Variants in NIM1K observed in about 807,000 individuals in gnomAD.
NIM1K encodes the protein serine/threonine-protein kinase NIM1.
In NIM1K, 35 loss-of-function variants were observed where a neutral mutation model predicts 37.1. That is an observed-to-expected ratio of 0.94 (90% CI 0.72 to 1.25). The LOEUF is 1.25. Ranked by LOEUF, NIM1K falls within the 50% of genes most tolerant of loss-of-function variation. The pLI, the probability that NIM1K is intolerant of heterozygous loss-of-function variation, is 0.00. For synonymous variants in NIM1K, 234 were observed against 206.6 expected, an observed-to-expected ratio of 1.13 and a Z score of -1.14; for missense variants, 564 against 548.0, an observed-to-expected ratio of 1.03 and a Z score of -0.29.
intron 3 of NIM1K, among the ~76,000 whole-genome samples, chr5:43,278,308 G>T (rs758220486): frequency 2.0e-5 from 3 of 152,152 alleles, no homozygotes; most frequent in Non-Finnish European, 2.9e-5. Context: ...GTCTCCCAAA[G>T]TAGTGGGATT....
chr5:43,209,645 G>GACAC, intron 1 of NIM1K, among the ~76,000 whole-genome samples: 1 of 151,810 alleles, frequency 6.6e-6, no homozygotes, highest in Admixed American at 6.6e-5. Context: ...GAGACACAGA[G>GACAC]TCTCGCTCTG....
At chr5:43,251,210 G>A (rs4549536) in intron 2 of NIM1K, among the ~76,000 whole-genome samples, 149,639 of 152,370 alleles carry the variant, frequency 0.98, 73,535 homozygotes, top group Middle Eastern at 1. Flanking sequence ...GTAAAAATAA[G>A]TACAATGCAA....
chr5:43,241,689 G>T lies in NIM1K; in HGVS notation c.-694-3393G>T, dbSNP rs113944810. Among the ~76,000 whole-genome samples the T allele has an allele frequency of 1.5e-3, 229 of 151,952 alleles. 9 individuals carry two copies. The highest frequency in any genetic ancestry group is 5.2e-3 in the African/African-American group (215 of 41,304). On this transcript the variant is annotated intron_variant, in intron 1 of 3. Coordinates refer to ENST00000326035, the MANE Select transcript of NIM1K (RefSeq NM_153361.4). ...TGTAAAATTCTTTACTTAGAAAATTGTTTATTTTTTATTTGTTTATTATAT... is the reference window on the plus strand; with the variant it reads ...TGTAAAATTCTTTACTTAGAAAATTTTTTATTTTTTATTTGTTTATTATAT...
intron 2 of NIM1K, among the ~76,000 whole-genome samples, chr5:43,250,431 A>G (rs1482781117): frequency 6.6e-6 from 1 of 152,112 alleles, no homozygotes; most frequent in Non-Finnish European, 1.5e-5. Flanking sequence ...TCTTTTCCAT[A>G]CTTCTTTGCA....
intron 1 of NIM1K, among the ~76,000 whole-genome samples, chr5:43,211,848 G>C (rs937816630): frequency 6.6e-6 from 1 of 151,652 alleles, no homozygotes; most frequent in Non-Finnish European, 1.5e-5. Flanking sequence ...ATAAAATTGA[G>C]CTGGGAATAA....
intron 1 of NIM1K, among the ~76,000 whole-genome samples, chr5:43,197,776 G>T (rs1751940055): frequency 6.6e-6 from 1 of 152,012 alleles, no homozygotes; most frequent in Non-Finnish European, 1.5e-5. Flanking sequence ...TCTCTTTTGG[G>T]CCCCACCCTG....
intron 2 of NIM1K, among the ~76,000 whole-genome samples, chr5:43,260,805 C>T (rs140439196): frequency 0.018 from 2,776 of 152,238 alleles, 45 homozygotes; most frequent in Admixed American, 0.038. Context: ...GTTCCCCACC[C>T]TGTGTCCAGG....
chr5:43,231,389 G>A (rs887477848), intron 1 of NIM1K, among the ~76,000 whole-genome samples: 2 of 152,056 alleles, frequency 1.3e-5, no homozygotes, highest in East Asian at 1.9e-4. Context: ...CAAAGAATGA[G>A]GGCTAATGAA....
At chr5:43,196,636 A>AAAAT (rs374709704) in intron 1 of NIM1K, among the ~76,000 whole-genome samples, 9,914 of 151,650 alleles carry the variant, frequency 0.065, 661 homozygotes, top group African/African-American at 0.17. Context: ...CTCTGTCTCA[A>AAAAT]AAATAAATAA....
chr5:43,222,069 G>A (rs1214580393), intron 1 of NIM1K, among the ~76,000 whole-genome samples: 2 of 152,172 alleles, frequency 1.3e-5, no homozygotes, highest in African/African-American at 4.8e-5. Flanking sequence ...CACTACCTCT[G>A]GCTCACTCAG....
chr5:43,264,250 G>A (rs943047153), intron 2 of NIM1K, among the ~76,000 whole-genome samples: 6 of 152,180 alleles, frequency 3.9e-5, no homozygotes, highest in African/African-American at 1.4e-4. Context: ...TATTGTTTGG[G>A]AGTCTAAGTC....
At chr5:43,201,979 A>C (rs1752028101) in intron 1 of NIM1K, among the ~76,000 whole-genome samples, 1 of 151,788 alleles carries the variant, frequency 6.6e-6, no homozygotes, top group East Asian at 1.9e-4. Flanking sequence ...CTCTCAAAAA[A>C]AAAAAAAAAA....
chr5:43,250,124 T>C (rs1271354366), intron 2 of NIM1K, among the ~76,000 whole-genome samples: 1 of 152,108 alleles, frequency 6.6e-6, no homozygotes, highest in East Asian at 1.9e-4. Context: ...AGTGCTGGGA[T>C]TACAGGCATG....
At chr5:43,221,367 C>T (rs1049430143) in intron 1 of NIM1K, among the ~76,000 whole-genome samples, 4 of 146,602 alleles carry the variant, frequency 2.7e-5, no homozygotes, top group Admixed American at 2.2e-4. Context: ...ATGAGAATTG[C>T]TTGAACCTGG....
chr5:43,200,467 CT>C (rs1554012885), intron 1 of NIM1K, among the ~76,000 whole-genome samples: 1 of 151,812 alleles, frequency 6.6e-6, no homozygotes, highest in Non-Finnish European at 1.5e-5. Context: ...TGCCCGGCTA[CT>C]TTTTTGTATT....
At chr5:43,199,733 G>A (rs1424690361) in intron 1 of NIM1K, among the ~76,000 whole-genome samples, 1 of 133,526 alleles carries the variant, frequency 7.5e-6, no homozygotes, top group African/African-American at 2.7e-5. Context: ...TATAACAGAA[G>A]GCAAAGAAAG....
Position 43,245,924 on chromosome 5 carries a change from A to T in NIM1K, c.149A>T (p.Lys50Ile). The T allele has an allele frequency of 6.2e-7, 1 of 1,614,138 alleles. No individual in the cohort carries two copies. The highest frequency in any genetic ancestry group is 8.5e-7 in the Non-Finnish European group (1 of 1,180,000). ...GQPRQLTPFEKLTQDMSQDEK... is the reference protein window; with the variant it reads ...GQPRQLTPFEILTQDMSQDEK... ...CCCCGCCAGCTGACGCCCTTCGAGA[A>T]ACTGACACAGGACATGTCCCAGGAT... Residue 50 changes from lysine to isoleucine, a missense_variant, in exon 2 of 4, where the codon AAA becomes ATA. Lys to Ile is a moderately radical substitution (Grantham distance 102). Coordinates refer to ENST00000326035, the MANE Select transcript of NIM1K (RefSeq NM_153361.4).
At chr5:43,205,987 C>T (rs1025282482) in intron 1 of NIM1K, among the ~76,000 whole-genome samples, 2 of 152,140 alleles carry the variant, frequency 1.3e-5, no homozygotes, top group African/African-American at 2.4e-5. Context: ...GCTGGGATTA[C>T]AGGCATGAGC....
At chr5:43,275,819 G>A (rs1355110826) in intron 2 of NIM1K, among the ~76,000 whole-genome samples, 1 of 151,906 alleles carries the variant, frequency 6.6e-6, no homozygotes, top group African/African-American at 2.4e-5. Context: ...GGCTTACCTT[G>A]AAGGATCATC....
Sources: gnomAD v4.1 joint callset for allele counts (sites outside exome capture counted in the v4.1 genomes callset) on GRCh38, gnomAD v4.1.1 for gene constraint, MANE v1.5 for transcripts, NCBI Gene and HGNC (gene_info 2026-07-23, HGNC 2026-07-21) for gene names.